The following GAK variants were observed in gnomAD, a reference collection of about 807,000 sequenced individuals.
The protein encoded by GAK is cyclin G associated kinase.
A neutral mutation model predicts 143.9 loss-of-function variants in GAK; 79 were observed. The ratio of observed to expected loss-of-function variants is 0.55; its 90% CI spans 0.46 to 0.66. The LOEUF is 0.66. Ranked by LOEUF, GAK falls within the 30% of genes least tolerant of loss-of-function variation. The pLI is 0.00. For missense variants in GAK, 1,693 were observed against 1,779.7 expected (o/e 0.95, Z 0.88); for synonymous variants, 881 against 765.5 (o/e 1.15, Z -2.49).
chr4:888,651 A>G, intron 11 of GAK, 196 bp downstream of exon 11: 2 of 628,298 alleles, frequency 3.2e-6, no homozygotes, highest in South Asian at 4.2e-5. Context: ...ATGAAAGGAA[A>G]GGGATCTGCC....
At chr4:872,942 T>G (rs1713010449) in intron 18 of GAK, among the ~76,000 whole-genome samples, 1 of 151,312 alleles carries the variant, frequency 6.6e-6, no homozygotes, top group Admixed American at 6.6e-5. Flanking sequence ...CGGCGCAGGC[T>G]CACCACGCAG....
intron 8 of GAK, 53 bp from the exon 9 acceptor site, chr4:893,542 A>AC: frequency 2.3e-6 from 3 of 1,303,130 alleles, no homozygotes; most frequent in Non-Finnish European, 3.1e-6. Context: ...GCGGGTCAGC[A>AC]CCCCCTGCAC....
At chr4:926,495 C>G (rs79820144) in intron 1 of GAK, among the ~76,000 whole-genome samples, 1 of 152,346 alleles carries the variant, frequency 6.6e-6, no homozygotes, top group East Asian at 1.9e-4. Flanking sequence ...CGTCACTTTT[C>G]TCTTCTGCGA....
chr4:880,119 T>C (rs1714792011), intron 15 of GAK, among the ~76,000 whole-genome samples: 1 of 151,338 alleles, frequency 6.6e-6, no homozygotes. Context: ...CCACGCACCC[T>C]GCATGAGGGT....
chr4:860,540 A>G (rs915745837), intron 23 of GAK, among the ~76,000 whole-genome samples: 2 of 152,182 alleles, frequency 1.3e-5, no homozygotes, highest in Admixed American at 6.5e-5. Flanking sequence ...TCAAACTAAG[A>G]GTCAACCTCA....
intron 2 of GAK, among the ~76,000 whole-genome samples, chr4:913,040 C>A (rs1041775789): frequency 1.3e-5 from 2 of 152,314 alleles, no homozygotes; most frequent in African/African-American, 4.8e-5. Flanking sequence ...CCAAATGGGC[C>A]AGAGTAAAAT....
intron 1 of GAK, among the ~76,000 whole-genome samples, chr4:929,462 A>T (rs963167465): frequency 8.5e-5 from 13 of 152,206 alleles, no homozygotes; most frequent in African/African-American, 1.2e-4. Context: ...CCACTTCAGA[A>T]GCAACGGCAC....
intron 24 of GAK, chr4:852,988 T>C (rs896679705): frequency 1.3e-5 from 2 of 151,780 alleles, no homozygotes; most frequent in African/African-American, 2.4e-5. Context: ...ACGACCTGAA[T>C]GCTTCACTAC....
chr4:912,682 G>T, intron 3 of GAK, 53 bp downstream of exon 3: 1 of 1,444,448 alleles, frequency 6.9e-7, no homozygotes, highest in Non-Finnish European at 9.7e-7. Context: ...CTTGACGCAG[G>T]CCTGTGCCTG....
intron 5 of GAK, among the ~76,000 whole-genome samples, chr4:901,303 G>C (rs1009474868): frequency 2.0e-5 from 3 of 152,180 alleles, no homozygotes; most frequent in Admixed American, 6.5e-5. Flanking sequence ...CCCCCACCCA[G>C]GGCACACGGG....
chr4:917,944 C>T (rs1023590850), intron 1 of GAK, among the ~76,000 whole-genome samples: 1 of 152,212 alleles, frequency 6.6e-6, no homozygotes, highest in Non-Finnish European at 1.5e-5. Flanking sequence ...GAAATCACAA[C>T]AAGCTTATAA....
intron 24 of GAK, among the ~76,000 whole-genome samples, chr4:856,002 C>T (rs1403938111): frequency 2.6e-5 from 4 of 152,206 alleles, no homozygotes; most frequent in Non-Finnish European, 5.9e-5. Context: ...TTTCTGGAGA[C>T]AGGGTCTTGC....
intron 19 of GAK, 126 bp from the exon 20 acceptor site, chr4:868,811 G>C: frequency 1.1e-6 from 1 of 924,930 alleles, no homozygotes. Context: ...CATCGGTAAA[G>C]CAGACCAATG....
rs531601185 is a variant in GAK, at chr4:888,809, C to T, written c.1205+38G>A. ...GGCCGGGGCTGCAGCCTGGAACGAGCGTGCGGCAGGTCCAGGGCTCTGGAG... is the reference window on the plus strand; with the variant it reads ...GGCCGGGGCTGCAGCCTGGAACGAGTGTGCGGCAGGTCCAGGGCTCTGGAG... On this transcript the variant is annotated intron_variant, in intron 11 of 27. Transcript: ENST00000314167. The T allele has an allele frequency of 8.5e-5, 134 of 1,578,210 alleles. No homozygotes were observed. In the Admixed American group the frequency reaches 1.2e-3, roughly 14 times the overall value.
At position 849,924 on chromosome 4, in the gene GAK, G is replaced by C; in HGVS notation, c.3802C>G (p.Arg1268Gly). The change falls in exon 27 of 28, where the codon CGC becomes GGC. Residue 1268 changes from arginine to glycine, a missense_variant. Around this residue, in one of 2 missense-constraint regions of GAK, gnomAD observed 822 missense variants for 788.7 expected, o/e 1.04. Coordinates refer to ENST00000314167, the MANE Select transcript of GAK (RefSeq NM_005255.4). ...VAPEQVKKHYRRAVLAVHPDK... is the reference protein window; with the variant it reads ...VAPEQVKKHYGRAVLAVHPDK... ...GGGTGCACAGCCAGCACCGCGCGGC[G>C]ATAGTGCTTCTTCACTTGCTCCGGA... The C allele has an allele frequency of 6.2e-7, 1 of 1,606,590 alleles. No individual in the cohort carries two copies. Among genetic ancestry groups the C allele is most frequent in the Non-Finnish European group, 8.5e-7 (1 of 1,176,590 alleles).
chr4:892,558 G>A (rs1467453961), intron 9 of GAK, among the ~76,000 whole-genome samples: 5 of 152,176 alleles, frequency 3.3e-5, no homozygotes, highest in African/African-American at 7.2e-5. Flanking sequence ...CAAAGCACAC[G>A]GCCCTGTGGG....
chr4:929,903 C>T (rs939076615), intron 1 of GAK, among the ~76,000 whole-genome samples: 4 of 152,182 alleles, frequency 2.6e-5, no homozygotes, highest in African/African-American at 9.7e-5. Flanking sequence ...GGGTTAATTA[C>T]AGACTTTAAT....
chr4:924,621 T>C lies in GAK; in HGVS notation c.145+7422A>G, dbSNP rs184120288. ...CATACGGTTTGGATCTGCGTCCCCA[T>C]GCAAATCTCATGTTCACTTGTGACC... On this transcript the variant is annotated intron_variant, in intron 1 of 27. Transcript: ENST00000314167. Among the ~76,000 whole-genome samples the C allele has an allele frequency of 3.4e-3, 490 of 145,082 alleles. 4 individuals carry two copies. Among genetic ancestry groups the C allele is most frequent in the Non-Finnish European group, 5.4e-3 (358 of 66,278 alleles).
Position 877,661 on chromosome 4 carries a change from C to G in GAK, c.1810G>C (p.Gly604Arg), listed in dbSNP as rs142221119. Residue 604 changes from glycine to arginine, a missense_variant, in exon 16 of 28, where the codon GGG becomes CGG. Coordinates refer to ENST00000314167, the MANE Select transcript of GAK (RefSeq NM_005255.4). ...GAGGTGCTGGCCACACGCTCGTCCC[C>G]CACGTAGACCTCGCAGAAGGGCCTG... ...GCRPFCEVYV[G>R]DERVASTSQE... 301 of 1,609,346 alleles carry G rather than the reference C, an allele frequency of 1.9e-4. No individual in the cohort carries two copies. The highest frequency in any genetic ancestry group is 1.2e-3 in the South Asian group (105 of 90,526).
Sources: gnomAD v4.1 joint callset for allele counts (sites outside exome capture counted in the v4.1 genomes callset) on GRCh38, gnomAD v4.1.1 for gene constraint, gnomAD v4.1.1 regional missense constraint, MANE v1.5 for transcripts, NCBI Gene and HGNC (gene_info 2026-07-23, HGNC 2026-07-21) for gene names.